Variants in AASDHPPT observed in about 807,000 individuals in gnomAD.
AASDHPPT encodes the protein aminoadipate-semialdehyde dehydrogenase-phosphopantetheinyl transferase, also known as L-aminoadipate-semialdehyde dehydrogenase-phosphopantetheinyl transferase.
In AASDHPPT, 23 loss-of-function variants were observed where a neutral mutation model predicts 36.4. The ratio of observed to expected loss-of-function variants is 0.63; its 90% CI spans 0.45 to 0.89. The LOEUF (loss-of-function observed/expected upper bound fraction) is 0.89. Among genes scored for constraint, AASDHPPT ranks in the 40% least tolerant of loss-of-function variants. The pLI is 0.00. For missense variants in AASDHPPT, 377 were observed against 378.2 expected (o/e 1.00, Z 0.03); for synonymous variants, 115 against 128.0 (o/e 0.90, Z 0.68).
chr11:106,078,820 T>C (rs1214161674), intron 1 of AASDHPPT, among the ~76,000 whole-genome samples: 1 of 152,184 alleles, frequency 6.6e-6, no homozygotes, highest in African/African-American at 2.4e-5. Context: ...TGTGTGTGTG[T>C]TTTTAGTAAT....
rs186476157 is a variant in AASDHPPT at position 106,096,927 on chromosome 11, G to A, written c.*20G>A. ...TCATGATGATTCCCTGAGTAACAAA[G>A]GGAAATGAAAACTGTTTGTGATCTT... On this transcript the variant is annotated 3_prime_UTR_variant, in exon 6 of 6. Transcript: ENST00000278618. The A allele has an allele frequency of 1.1e-5, 18 of 1,573,370 alleles. No homozygotes were observed. In the Admixed American group the frequency reaches 1.2e-4, roughly 10 times the overall value.
At chr11:106,090,443 G>A in intron 2 of AASDHPPT, 114 bp from the exon 3 acceptor site, 2 of 788,236 alleles carry the variant, frequency 2.5e-6, no homozygotes, top group Non-Finnish European at 3.8e-6. Context: ...GTATTCAAAA[G>A]TATGGTTGCC....
At chr11:106,085,371 G>A (rs892227012) in intron 2 of AASDHPPT, among the ~76,000 whole-genome samples, 3 of 152,180 alleles carry the variant, frequency 2.0e-5, no homozygotes, top group Non-Finnish European at 2.9e-5. Context: ...AAAGTGCTGG[G>A]ATTACAGGCG....
intron 2 of AASDHPPT, 91 bp from the exon 3 acceptor site, chr11:106,090,466 G>T: frequency 2.0e-6 from 2 of 987,942 alleles, no homozygotes; most frequent in South Asian, 3.8e-5. Context: ...TTAGATCTTT[G>T]GGGGGTGCTG....
chr11:106,090,605 C>A lies in AASDHPPT; in HGVS notation c.458C>A (p.Thr153Asn), dbSNP rs778352635. The A allele has an allele frequency of 6.3e-7, 1 of 1,599,864 alleles. No individual in the cohort carries two copies. Among genetic ancestry groups the A allele is most frequent in the South Asian group, 1.1e-5 (1 of 88,024 alleles). Reference sequence around the variant, plus strand: ...TTTCATATTATGAAAAGAAAGTTTACCAACAAAGAATGGGAAACAATCAGA... The same window carrying A: ...TTTCATATTATGAAAAGAAAGTTTAACAACAAAGAATGGGAAACAATCAGA... Reference protein sequence around the residue: ...EFFHIMKRKFTNKEWETIRSF... With the variant: ...EFFHIMKRKFNNKEWETIRSF... The change falls in exon 3 of 6, where the codon ACC (threonine) becomes AAC (asparagine). Residue 153 changes from threonine (T) to asparagine (N), a missense_variant. Thr to Asn is a moderately conservative substitution (Grantham distance 65). Transcript: ENST00000278618.
Position 106,096,897 on chromosome 11 carries a change from CAA to C in AASDHPPT, c.922_923del (p.Lys308ValfsTer6), listed in dbSNP as rs1222550313. The C allele has an allele frequency of 6.2e-7, 1 of 1,605,164 alleles. No individual in the cohort carries two copies. The highest frequency in any genetic ancestry group is 8.5e-7 in the Non-Finnish European group (1 of 1,176,740). ...GAAGAAATTCCAATACGAAATGGTA[CAA>C]AGTCATGATGATTCCCTGAGTAACA... On this transcript the variant is annotated frameshift_variant, in exon 6 of 6. Coordinates refer to ENST00000278618, the MANE Select transcript of AASDHPPT (RefSeq NM_015423.3). LOFTEE classifies it high-confidence loss of function.
intron 2 of AASDHPPT, among the ~76,000 whole-genome samples, chr11:106,083,359 C>A (rs968806648): frequency 5.3e-5 from 8 of 152,268 alleles, no homozygotes; most frequent in Non-Finnish European, 8.8e-5. Context: ...GTTGACTTAG[C>A]TAAAAAGTAA....
chr11:106,095,910 C>G (rs187979484), intron 5 of AASDHPPT: 1 of 152,172 alleles, frequency 6.6e-6, no homozygotes, highest in Non-Finnish European at 1.5e-5. Context: ...TTTGCATATT[C>G]AGTACTTTTC....
chr11:106,081,385 C>A (rs1484061277), intron 2 of AASDHPPT, among the ~76,000 whole-genome samples: 2 of 152,166 alleles, frequency 1.3e-5, no homozygotes, highest in Non-Finnish European at 2.9e-5. Context: ...ATTTTGTTTA[C>A]CTCCTGAAAC....
intron 5 of AASDHPPT, 83 bp downstream of exon 5, chr11:106,094,737 C>A: frequency 9.4e-7 from 1 of 1,068,980 alleles, no homozygotes; most frequent in Non-Finnish European, 1.3e-6. Context: ...TAGTCATTTG[C>A]CTTATATCAG....
chr11:106,079,537 A>G lies in AASDHPPT; in HGVS notation c.254A>G (p.Gln85Arg). The change falls in exon 2 of 6, where the codon CAA (glutamine) becomes CGA (arginine). Residue 85 changes from glutamine to arginine, a missense_variant. Physicochemically the swap from Gln to Arg is conservative, Grantham distance 43. Coordinates refer to ENST00000278618, the MANE Select transcript of AASDHPPT (RefSeq NM_015423.3). ...ATCCCTTGGAATCATATTCGTTTGC[A>G]AAGAACTGCAAAAGGAAAACCAGTT... ...LNIPWNHIRLQRTAKGKPVLA... is the reference protein window; with the variant it reads ...LNIPWNHIRLRRTAKGKPVLA... 1 of 1,614,186 alleles carries G rather than the reference A, an allele frequency of 6.2e-7. No homozygotes were observed. The highest frequency in any genetic ancestry group is 1.1e-5 in the South Asian group (1 of 91,078).
At chr11:106,094,487 T>G (rs72977065) in intron 4 of AASDHPPT, 96 bp from the exon 5 acceptor site, 72,609 of 803,840 alleles carry the variant, frequency 0.09, 3,520 homozygotes, top group Middle Eastern at 0.12. Flanking sequence ...TATATATATA[T>G]AGAGAGAGAG....
rs772230896 is a variant in AASDHPPT, at chr11:106,094,596, A to G, written c.707A>G (p.Asp236Gly). ...KEWAFEESKI[D>G]EHHFVAVALR... The stretch of plus-strand genomic sequence containing the variant: ...TTTATCTTTCAGGAAAGCAAAATAG[A>G]TGAGCACCATTTTGTTGCAGTTGCT... Residue 236 changes from aspartate to glycine, a missense_variant, in exon 5 of 6, where the codon GAT becomes GGT. Transcript: ENST00000278618. 20 of 1,607,314 alleles carry G rather than the reference A, an allele frequency of 1.2e-5. No homozygotes were observed. Among genetic ancestry groups the G allele is most frequent in the Non-Finnish European group, 1.4e-5 (17 of 1,176,914 alleles).
chr11:106,079,729 C>T (rs1861114283), intron 2 of AASDHPPT, 37 bp downstream of exon 2: 1 of 1,531,076 alleles, frequency 6.5e-7, no homozygotes, highest in African/African-American at 1.4e-5. Context: ...AGTTAAGTGT[C>T]TCGATGCCTC....
In AASDHPPT at chr11:106,096,808, A is replaced by C; in HGVS notation, c.831A>C (p.Leu277Phe). ...TTACTATTCTCAACTTTAATGATTT[A>C]ATGTCATCTGCCGTTCCCATGACAC... ...RQFTILNFNDLMSSAVPMTPE... is the reference protein window; with the variant it reads ...RQFTILNFNDFMSSAVPMTPE... Residue 277 changes from leucine to phenylalanine, a missense_variant, in exon 6 of 6, where the codon TTA becomes TTC. Transcript: ENST00000278618. 1.9e-6 allele frequency: 3 copies of C among 1,610,860 alleles called. No individual in the cohort carries two copies. Among genetic ancestry groups the C allele is most frequent in the Non-Finnish European group, 2.5e-6 (3 of 1,178,516 alleles).
At chr11:106,094,104 AG>A (rs747591820) in intron 4 of AASDHPPT, 4 of 152,006 alleles carry the variant, frequency 2.6e-5, no homozygotes, top group South Asian at 2.1e-4. Flanking sequence ...ATTAATAAAA[AG>A]CAGATTTAGG....
At chr11:106,095,729 C>T (rs1402283518) in intron 5 of AASDHPPT, 4 of 152,142 alleles carry the variant, frequency 2.6e-5, no homozygotes, top group African/African-American at 4.8e-5. Context: ...CAAAGGATTA[C>T]GAGTTCTCCA....
chr11:106,078,865 C>T (rs1307789643), intron 1 of AASDHPPT, among the ~76,000 whole-genome samples: 1 of 152,040 alleles, frequency 6.6e-6, no homozygotes, highest in Non-Finnish European at 1.5e-5. Context: ...TGGGAGAGAG[C>T]AGAACAAGAT....
At chr11:106,082,127 C>A (rs931113514) in intron 2 of AASDHPPT, among the ~76,000 whole-genome samples, 1 of 152,066 alleles carries the variant, frequency 6.6e-6, no homozygotes, top group Non-Finnish European at 1.5e-5. Flanking sequence ...TTTAGTTGAT[C>A]TTACTTGACT....
Sources: allele counts gnomAD v4.1 joint callset (sites outside exome capture counted in the v4.1 genomes callset), GRCh38; gene constraint gnomAD v4.1.1; transcripts MANE v1.5; gene names NCBI Gene and HGNC (gene_info 2026-07-23, HGNC 2026-07-21).